IQCJ: variants seen among roughly 807,000 people sequenced by gnomAD.
IQCJ encodes IQ domain-containing protein J.
Under a neutral mutation model 11.0 loss-of-function variants are expected in IQCJ, and 9 were observed. That is an observed-to-expected ratio of 0.82 (90% CI 0.49 to 1.43). The LOEUF (loss-of-function observed/expected upper bound fraction) is 1.43, where lower values mean the gene tolerates loss of function less well. Ranked by LOEUF, IQCJ falls within the 40% of genes most tolerant of loss-of-function variation. The pLI is 0.00. For synonymous variants in IQCJ, 55 were observed against 51.3 expected (o/e 1.07, Z -0.31); for missense variants, 146 against 133.2 (o/e 1.10, Z -0.47).
At chr3:159,095,117 T>C (rs534149036) in intron 1 of IQCJ, among the ~76,000 whole-genome samples, 1 of 152,006 alleles carries the variant, frequency 6.6e-6, no homozygotes, top group South Asian at 2.1e-4. Flanking sequence ...CTGTAGTTCT[T>C]AATTTCTTGC....
At chr3:159,084,608 C>A (rs1377438185) in intron 1 of IQCJ, among the ~76,000 whole-genome samples, 5 of 152,070 alleles carry the variant, frequency 3.3e-5, no homozygotes, top group African/African-American at 1.2e-4. Flanking sequence ...ATGAGGAAAC[C>A]AAAGCCTAGA....
intron 1 of IQCJ, among the ~76,000 whole-genome samples, chr3:159,103,657 C>A (rs1577009483): frequency 6.6e-6 from 1 of 152,168 alleles, no homozygotes; most frequent in Admixed American, 6.5e-5. Flanking sequence ...GTGGATATTT[C>A]TCATAGAAAC....
chr3:159,112,505 A>G (rs1718692064), intron 1 of IQCJ, among the ~76,000 whole-genome samples: 1 of 152,318 alleles, frequency 6.6e-6, no homozygotes, highest in South Asian at 2.1e-4. Flanking sequence ...ATATAGAACT[A>G]ATACATCCCT....
chr3:159,147,180 C>T (rs1720968459), intron 1 of IQCJ, among the ~76,000 whole-genome samples: 1 of 152,040 alleles, frequency 6.6e-6, no homozygotes, highest in African/African-American at 2.4e-5. Flanking sequence ...CATTTGAGCT[C>T]CTTTAATTTA....
At chr3:159,174,685 T>A (rs1161107479) in intron 1 of IQCJ, among the ~76,000 whole-genome samples, 1 of 152,240 alleles carries the variant, frequency 6.6e-6, no homozygotes, top group African/African-American at 2.4e-5. Flanking sequence ...GGATAATATT[T>A]CTTATCCACA....
intron 1 of IQCJ, among the ~76,000 whole-genome samples, chr3:159,090,634 G>T (rs1717203858): frequency 6.6e-6 from 1 of 151,810 alleles, no homozygotes; most frequent in Non-Finnish European, 1.5e-5. Flanking sequence ...ATGAAGGTCA[G>T]CTGTGAGGAA....
In IQCJ at chr3:159,182,485, C is replaced by T. The variant is rs184475185; in HGVS notation, c.10-63358C>T. Among the ~76,000 whole-genome samples the T allele has an allele frequency of 7.2e-5, 11 of 152,098 alleles. No individual in the cohort carries two copies. In the East Asian group the frequency reaches 1.4e-3, roughly 19 times the overall value. ...GCCGCAGACAAAACTCCTCAGACAC[C>T]GAGTTAAAGAAGGAAGGGGCTTATT... On this transcript the variant is annotated intron_variant, in intron 1 of 3. Coordinates refer to ENST00000397832, the MANE Select transcript of IQCJ (RefSeq NM_001042706.3).
chr3:159,228,609 G>A (rs1225340155), intron 1 of IQCJ, among the ~76,000 whole-genome samples: 1 of 152,078 alleles, frequency 6.6e-6, no homozygotes, highest in African/African-American at 2.4e-5. Flanking sequence ...GCTAAAAACG[G>A]TGAAACCTCG....
At chr3:159,079,190 G>C (rs1030170838) in intron 1 of IQCJ, among the ~76,000 whole-genome samples, 9 of 152,084 alleles carry the variant, frequency 5.9e-5, no homozygotes, top group Non-Finnish European at 1.2e-4. Flanking sequence ...ATGTCATTGT[G>C]GGGGCTTGGG....
intron 1 of IQCJ, among the ~76,000 whole-genome samples, chr3:159,118,220 A>G (rs1265155502): frequency 1.3e-5 from 2 of 152,154 alleles, no homozygotes; most frequent in African/African-American, 4.8e-5. Flanking sequence ...GGAAGCGATC[A>G]GGCTTGTTGG....
chr3:159,132,739 T>G (rs757264147), intron 1 of IQCJ, among the ~76,000 whole-genome samples: 2 of 152,182 alleles, frequency 1.3e-5, no homozygotes, highest in African/African-American at 2.4e-5. Flanking sequence ...TTATGGCTAA[T>G]GAATTCAAAA....
chr3:159,242,569 CTTTTT>C (rs35549315), intron 1 of IQCJ, among the ~76,000 whole-genome samples: 1 of 139,846 alleles, frequency 7.2e-6, no homozygotes, highest in Non-Finnish European at 1.6e-5. Flanking sequence ...CCAGCTGAAT[CTTTTT>C]TTTTTTTTTT....
intron 3 of IQCJ, among the ~76,000 whole-genome samples, chr3:159,256,604 G>A (rs1424911798): frequency 6.6e-6 from 1 of 152,190 alleles, no homozygotes; most frequent in African/African-American, 2.4e-5. Context: ...GCCTCTCTGG[G>A]CCTCAGTTGC....
chr3:159,133,317 T>C (rs572356117), intron 1 of IQCJ, among the ~76,000 whole-genome samples: 1 of 152,348 alleles, frequency 6.6e-6, no homozygotes, highest in Non-Finnish European at 1.5e-5. Flanking sequence ...TGTGTCAGCT[T>C]CATTCCTTGT....
intron 1 of IQCJ, among the ~76,000 whole-genome samples, chr3:159,224,785 A>C (rs1333987565): frequency 6.6e-6 from 1 of 152,220 alleles, no homozygotes; most frequent in Non-Finnish European, 1.5e-5. Flanking sequence ...AACCTTCCTG[A>C]GTTCTTGAGC....
At chr3:159,196,596 G>A (rs1723995847) in intron 1 of IQCJ, among the ~76,000 whole-genome samples, 1 of 152,152 alleles carries the variant, frequency 6.6e-6, no homozygotes, top group South Asian at 2.1e-4. Flanking sequence ...TCACAGCTGG[G>A]CTCTGCACTT....
chr3:159,243,300 T>C (rs1727046329), intron 1 of IQCJ, among the ~76,000 whole-genome samples: 1 of 152,074 alleles, frequency 6.6e-6, no homozygotes, highest in African/African-American at 2.4e-5. Flanking sequence ...AGACTTGTTG[T>C]GCAAACAGAT....
chr3:159,159,960 C>A (rs749009700), intron 1 of IQCJ, among the ~76,000 whole-genome samples: 3 of 152,164 alleles, frequency 2.0e-5, no homozygotes, highest in Non-Finnish European at 4.4e-5. Flanking sequence ...CATATACAGC[C>A]TGCAGAACTG....
intron 1 of IQCJ, among the ~76,000 whole-genome samples, chr3:159,169,780 G>A (rs556873735): frequency 2.0e-5 from 3 of 152,310 alleles, no homozygotes; most frequent in African/African-American, 7.2e-5. Flanking sequence ...TTCTGGGTGT[G>A]TGTGGAGGCA....
Sources: gnomAD v4.1 joint callset for allele counts (sites outside exome capture counted in the v4.1 genomes callset) on GRCh38, gnomAD v4.1.1 for gene constraint, MANE v1.5 for transcripts, NCBI Gene and HGNC (gene_info 2026-07-23, HGNC 2026-07-21) for gene names.